The following EPHA10 variants were observed in gnomAD, a reference collection of about 807,000 sequenced individuals.
The protein encoded by EPHA10 is ephrin type-A receptor 10.
In EPHA10, 120 loss-of-function variants were observed where a neutral mutation model predicts 109.7. The ratio of observed to expected loss-of-function variants is 1.09; its 90% confidence interval spans 0.94 to 1.27. The LOEUF (loss-of-function observed/expected upper bound fraction) is 1.27, where lower values mean the gene tolerates loss of function less well. EPHA10 is among the 50% of genes most tolerant of loss of function. The pLI is 0.00. For missense variants in EPHA10, 1,396 were observed against 1,411.1 expected, an observed-to-expected ratio of 0.99 and a Z score of 0.17; for synonymous variants, 640 against 618.9, an observed-to-expected ratio of 1.03 and a Z score of -0.51.
intron 6 of EPHA10, among the ~76,000 whole-genome samples, chr1:37,732,369 C>T (rs1645998081): frequency 6.6e-6 from 1 of 152,134 alleles, no homozygotes; most frequent in South Asian, 2.1e-4. Context: ...CTGACAATGG[C>T]ATACTAGAGA....
intron 6 of EPHA10, among the ~76,000 whole-genome samples, 186 bp downstream of exon 6, chr1:37,735,071 G>A (rs1293720784): frequency 2.0e-5 from 3 of 152,168 alleles, no homozygotes; most frequent in Non-Finnish European, 2.9e-5. Context: ...AGACCTGAGC[G>A]GAGGGAGGAA....
intron 11 of EPHA10, among the ~76,000 whole-genome samples, 159 bp downstream of exon 11, chr1:37,721,501 G>A (rs17511088): frequency 0.067 from 10,260 of 152,132 alleles, 438 homozygotes; most frequent in Middle Eastern, 0.16. Context: ...CAGGAGAAGG[G>A]CCGCCTTGAG....
At position 37,718,219 on chromosome 1, in the gene EPHA10, A is replaced by G. The variant is rs1176457472; in HGVS notation, c.*153T>C. ...GAAAATGGGAGGGGCAGGCAGTGAA[A>G]GCGGGGAAGCTGTGGCCCCACCAGA... is the stretch of plus-strand genomic sequence containing the variant. On this transcript the variant is annotated 3_prime_UTR_variant, in exon 17 of 17. Coordinates refer to ENST00000373048, the MANE Select transcript of EPHA10 (RefSeq NM_001099439.2). 1.5e-6 allele frequency: 1 copy of G among 661,972 alleles called. No homozygotes were observed. The highest frequency in any genetic ancestry group is 1.8e-5 in the African/African-American group (1 of 54,798). The allele number at this position is 661,972 out of a possible 1,614,324, so 41.0% of individuals were successfully genotyped here.
chr1:37,731,630 T>C (rs948407016), intron 6 of EPHA10, 48 bp from the exon 7 acceptor site: 13 of 1,534,190 alleles, frequency 8.5e-6, no homozygotes, highest in Non-Finnish European at 1.1e-5. Context: ...GATCCACTGT[T>C]CTAGGAGAAC....
chr1:37,731,946 C>A (rs1358823963), intron 6 of EPHA10, among the ~76,000 whole-genome samples: 1 of 152,244 alleles, frequency 6.6e-6, no homozygotes, highest in African/African-American at 2.4e-5. Context: ...AGGCCTGAAG[C>A]CTCAAAGGAC....
intron 14 of EPHA10, 68 bp from the exon 15 acceptor site, chr1:37,719,675 CACATG>C: frequency 1.3e-6 from 2 of 1,524,802 alleles, no homozygotes; most frequent in Non-Finnish European, 1.8e-6. Context: ...TGTGCACACA[CACATG>C]CACACACACA....
intron 7 of EPHA10, among the ~76,000 whole-genome samples, chr1:37,729,141 T>C (rs993514103): frequency 6.6e-6 from 1 of 152,066 alleles, no homozygotes; most frequent in Non-Finnish European, 1.5e-5. Flanking sequence ...GAGAGGCCCA[T>C]GGGACAAGGA....
intron 5 of EPHA10, 102 bp from the exon 6 acceptor site, chr1:37,735,492 A>G: frequency 7.1e-7 from 1 of 1,408,166 alleles, no homozygotes; most frequent in South Asian, 1.4e-5. Context: ...GGACCGGACT[A>G]GAGAGGCCTG....
chr1:37,722,263 C>G (rs1645810325), intron 10 of EPHA10: 1 of 246,090 alleles, frequency 4.1e-6, no homozygotes, highest in South Asian at 4.5e-5. Flanking sequence ...GGGGATTCCT[C>G]TCTGCCTTCC....
At chr1:37,724,506 G>A (rs982512667) in intron 8 of EPHA10, among the ~76,000 whole-genome samples, 11 of 152,156 alleles carry the variant, frequency 7.2e-5, no homozygotes, top group South Asian at 4.1e-4. Flanking sequence ...CTAGGCTAGC[G>A]GAAGGAAGCA....
At chr1:37,727,242 A>T in intron 7 of EPHA10, 32 bp from the exon 8 acceptor site, 2 of 1,559,950 alleles carry the variant, frequency 1.3e-6, no homozygotes, top group Non-Finnish European at 1.7e-6. Flanking sequence ...TGAGGCAGGC[A>T]GAGGACCAGG....
chr1:37,761,599 G>A lies in EPHA10; in HGVS notation c.656C>T (p.Ala219Val). The change falls in exon 3 of 17, where the codon GCC becomes GTC. Residue 219 changes from alanine (A) to valine (V), a missense_variant. By Grantham distance (64) the Ala-to-Val change is moderately conservative. Transcript: ENST00000373048. ...CTCGGCTGCGGTGGCTGGGAACGTG[G>A]CCAGGCCCCGCACGGTGGCGCGGCA... ...KQCRATVRGL[A>V]TFPATAAESA... 6.2e-7 allele frequency: 1 copy of A among 1,600,802 alleles called. No homozygotes were observed.
intron 10 of EPHA10, 107 bp downstream of exon 10, chr1:37,722,934 G>C: frequency 6.5e-7 from 1 of 1,542,480 alleles, no homozygotes. Context: ...GCAGAGACCT[G>C]GGTGGAGGTG....
chr1:37,725,333 C>A (rs1308394276), intron 8 of EPHA10, among the ~76,000 whole-genome samples: 1 of 151,754 alleles, frequency 6.6e-6, no homozygotes, highest in Admixed American at 6.6e-5. Context: ...GGCAAAACCC[C>A]GTCTCTACTA....
intron 15 of EPHA10, chr1:37,719,043 T>C (rs964162459): frequency 3.2e-6 from 2 of 625,486 alleles, no homozygotes; most frequent in African/African-American, 3.7e-5. Flanking sequence ...TATTGGCGTA[T>C]CCGGAACAGT....
rs1332015944 is a variant in EPHA10, at chr1:37,721,671, A to G, written c.2135T>C (p.Val712Ala). The G allele has an allele frequency of 6.2e-7, 1 of 1,605,110 alleles. No individual in the cohort carries two copies. Reference protein sequence around the residue: ...DHSHIVRLEGVVTRGSTLMIV... With the variant: ...DHSHIVRLEGAVTRGSTLMIV... Reference sequence around the variant, plus strand: ...GCACCGGGCCCTACCTCGGGTAACAACGCCCTCCAGCCGCACGATGTGGCT... The same window carrying G: ...GCACCGGGCCCTACCTCGGGTAACAGCGCCCTCCAGCCGCACGATGTGGCT... Residue 712 changes from valine to alanine, a missense_variant, in exon 11 of 17, where the codon GTT becomes GCT. Transcript: ENST00000373048.
chr1:37,723,729 C>G (rs1356275073), intron 8 of EPHA10, among the ~76,000 whole-genome samples: 1 of 152,242 alleles, frequency 6.6e-6, no homozygotes, highest in African/African-American at 2.4e-5. Context: ...ATCCAGCACT[C>G]GGGGGCAGCT....
chr1:37,751,129 C>T (rs1646316033), intron 5 of EPHA10, among the ~76,000 whole-genome samples: 1 of 147,240 alleles, frequency 6.8e-6, no homozygotes, highest in South Asian at 2.1e-4. Flanking sequence ...GGCGTGAACC[C>T]CAGACGCGGA....
chr1:37,738,328 C>G (rs1233982896), intron 5 of EPHA10, among the ~76,000 whole-genome samples: 1 of 152,044 alleles, frequency 6.6e-6, no homozygotes, highest in East Asian at 1.9e-4. Flanking sequence ...GATCGCACCA[C>G]TGCACTCCAG....
Sources: gnomAD v4.1 joint callset for allele counts (sites outside exome capture counted in the v4.1 genomes callset) on GRCh38, gnomAD v4.1.1 for gene constraint, MANE v1.5 for transcripts, NCBI Gene and HGNC (gene_info 2026-07-23, HGNC 2026-07-21) for gene names.